The following SCOC variants were observed in gnomAD, a reference collection of about 807,000 sequenced individuals.
SCOC encodes short coiled-coil protein, also known as short coiled coil protein.
SCOC carries 7 observed loss-of-function variants against 9.9 expected under a neutral mutation model. The observed-to-expected ratio is 0.71, with a 90% CI of 0.40 to 1.33. SCOC has a LOEUF of 1.33. Among genes scored for constraint, SCOC ranks in the 40% most tolerant of loss-of-function variants. The probability of loss-of-function intolerance (pLI) is 0.01; values close to 1 mark genes in which losing one functional copy is unlikely to be tolerated. For missense variants in SCOC, 66 were observed against 89.7 expected, an observed-to-expected ratio of 0.74 and a Z score of 1.07; for synonymous variants, 19 against 28.2, an observed-to-expected ratio of 0.67 and a Z score of 1.03.
chr4:140,316,076 C>T (rs1239439203), intron 1 of SCOC, among the ~76,000 whole-genome samples: 2 of 152,084 alleles, frequency 1.3e-5, no homozygotes, highest in Admixed American at 6.6e-5. Context: ...GCCTCATTGG[C>T]AGAAACACCA....
intron 1 of SCOC, among the ~76,000 whole-genome samples, chr4:140,300,139 G>A (rs188398855): frequency 6.6e-6 from 1 of 152,310 alleles, no homozygotes; most frequent in East Asian, 1.9e-4. Flanking sequence ...GGTTTGATGA[G>A]CACATGGCAT....
At chr4:140,348,540 A>G (rs1726837904) in intron 2 of SCOC, among the ~76,000 whole-genome samples, 1 of 136,996 alleles carries the variant, frequency 7.3e-6, no homozygotes. Context: ...GTGTATATGT[A>G]TGTATATATA....
chr4:140,340,848 G>A (rs1040172703), upstream of SCOC, among the ~76,000 whole-genome samples: 2 of 140,254 alleles, frequency 1.4e-5, no homozygotes, highest in Non-Finnish European at 3.0e-5. Context: ...CTGGAGTGCA[G>A]TGGCGAGATC....
At chr4:140,380,130 T>C (rs1328204914) in intron 3 of SCOC, among the ~76,000 whole-genome samples, 1 of 152,040 alleles carries the variant, frequency 6.6e-6, no homozygotes, top group African/African-American at 2.4e-5. Flanking sequence ...CTCCCACTGA[T>C]TTACATTTTA....
At chr4:140,377,411 A>C (rs1262515216) in intron 1 of SCOC, among the ~76,000 whole-genome samples, 3 of 152,246 alleles carry the variant, frequency 2.0e-5, no homozygotes, top group African/African-American at 7.2e-5. Flanking sequence ...AATGTGAAAA[A>C]GAGGTCGGGC....
intron 2 of SCOC, among the ~76,000 whole-genome samples, chr4:140,358,903 C>G (rs996445808): frequency 1.5e-4 from 23 of 152,238 alleles, no homozygotes; most frequent in South Asian, 4.2e-4. Flanking sequence ...CCTAGAATAC[C>G]TATTCATTTG....
At position 140,330,863 on chromosome 4, in the gene SCOC, A is replaced by G. The variant is rs183769709; in HGVS notation, c.-18-12758A>G. 6.6e-5 allele frequency among the ~76,000 whole-genome samples: 10 copies of G among 152,376 alleles called. No individual in the cohort carries two copies. In the East Asian group the frequency reaches 1.9e-3, roughly 29 times the overall value. ...GCTGGCAGTTCTCTTCATTAATACA[A>G]GAATTTAATAGATAAATACAGTTTG... On this transcript the variant is annotated intron_variant, in intron 1 of 4. Coordinates refer to the SCOC transcript ENST00000394205.
At chr4:140,266,051 G>T (rs975209681) in intron 1 of SCOC, among the ~76,000 whole-genome samples, 4 of 152,232 alleles carry the variant, frequency 2.6e-5, no homozygotes, top group Admixed American at 2.6e-4. Context: ...TGCTGGGTAG[G>T]CCTGGTACAA....
At chr4:140,349,262 G>T (rs1726876675) in intron 2 of SCOC, among the ~76,000 whole-genome samples, 1 of 152,176 alleles carries the variant, frequency 6.6e-6, no homozygotes, top group Admixed American at 6.5e-5. Flanking sequence ...GCTGCTTTCT[G>T]CTTCTGGTTA....
rs142349659 is a variant in SCOC at position 140,359,753 on chromosome 4, A to G, written c.70+16045A>G. On this transcript the variant is annotated intron_variant, in intron 2 of 4. Transcript: ENST00000338517. The stretch of plus-strand genomic sequence containing the variant: ...GTGGGATCTAAAGATGCCCATGCAG[A>G]TATGAGTGAGGCTCCTCAGGGATGG... Among the ~76,000 whole-genome samples the G allele has an allele frequency of 3.8e-4, 58 of 152,334 alleles. No individual in the cohort carries two copies. The East Asian group carries it at 6.7e-3, about 18-fold the overall frequency.
chr4:140,322,758 G>A (rs1451182038), intron 1 of SCOC, among the ~76,000 whole-genome samples: 1 of 152,118 alleles, frequency 6.6e-6, no homozygotes, highest in African/African-American at 2.4e-5. Flanking sequence ...AGTCTGCCAC[G>A]TAAAGAATAA....
intron 1 of SCOC, among the ~76,000 whole-genome samples, chr4:140,312,965 T>A (rs1732198106): frequency 6.6e-6 from 1 of 152,222 alleles, no homozygotes; most frequent in Non-Finnish European, 1.5e-5. Context: ...AGCCTTCATA[T>A]GAATTTTCTG....
chr4:140,374,238 G>C (rs902320563), intron 1 of SCOC: 1 of 450,672 alleles, frequency 2.2e-6, no homozygotes, highest in Non-Finnish European at 4.5e-6. Flanking sequence ...TTTCCTGATC[G>C]TCTTCTCCCC....
At chr4:140,297,821 CA>C (rs1578784194) in intron 1 of SCOC, among the ~76,000 whole-genome samples, 1 of 152,270 alleles carries the variant, frequency 6.6e-6, no homozygotes, top group East Asian at 1.9e-4. Context: ...CCTGAAATTA[CA>C]AGACTCGTTA....
At chr4:140,304,940 C>G (rs1262113280) in intron 1 of SCOC, among the ~76,000 whole-genome samples, 1 of 152,184 alleles carries the variant, frequency 6.6e-6, no homozygotes, top group Non-Finnish European at 1.5e-5. Context: ...TCTAGCCCTT[C>G]TGTGATTTGT....
At chr4:140,365,792 C>T (rs1363606771) in intron 2 of SCOC, among the ~76,000 whole-genome samples, 2 of 152,160 alleles carry the variant, frequency 1.3e-5, no homozygotes, top group African/African-American at 4.8e-5. Context: ...ATTTTCTTTT[C>T]TCTAGCTTAC....
chr4:140,312,111 T>A (rs569455092), intron 1 of SCOC, among the ~76,000 whole-genome samples: 1 of 152,270 alleles, frequency 6.6e-6, no homozygotes, highest in South Asian at 2.1e-4. Flanking sequence ...ACCCATACCA[T>A]CTCCAGAAAC....
In SCOC at chr4:140,293,381, C is replaced by T. The variant is rs761084449; in HGVS notation, c.-19+35971C>T. On this transcript the variant is annotated intron_variant, in intron 1 of 4. Coordinates refer to the SCOC transcript ENST00000394205. ...TGTCTTGTGTCTTCTGAGCAGGGCA[C>T]GCCAAGACAGGATTGGAGGTGTAAG... The T allele has an allele frequency of 4.2e-5, 19 of 456,716 alleles. No individual in the cohort carries two copies. In the East Asian group the frequency reaches 5.6e-4, roughly 13 times the overall value. The allele number at this position is 456,716 out of a possible 1,614,324, so 28.3% of individuals were successfully genotyped here.
intron 1 of SCOC, among the ~76,000 whole-genome samples, chr4:140,317,704 ATTT>A (rs1732368778): frequency 1.6e-5 from 2 of 124,796 alleles, no homozygotes; most frequent in Admixed American, 8.6e-5. Context: ...TATTATTATT[ATTT>A]TTAATTATAC....
Sources: allele counts gnomAD v4.1 joint callset (sites outside exome capture counted in the v4.1 genomes callset), GRCh38; gene constraint gnomAD v4.1.1; transcripts MANE v1.5; gene names NCBI Gene and HGNC (gene_info 2026-07-23, HGNC 2026-07-21).